The following PLEKHH2 variants were observed in gnomAD, a reference collection of about 807,000 sequenced individuals.
PLEKHH2 encodes the protein pleckstrin homology domain-containing family H member 2.
A neutral mutation model predicts 187.9 loss-of-function variants in PLEKHH2; 129 were observed. The observed-to-expected ratio is 0.69, with a 90% CI of 0.59 to 0.79. The LOEUF (loss-of-function observed/expected upper bound fraction) is 0.79. PLEKHH2 is among the 30% of genes least tolerant of loss of function. The probability of loss-of-function intolerance (pLI) is 0.00; values close to 1 mark genes in which losing one functional copy is unlikely to be tolerated. For missense variants in PLEKHH2, 2,076 were observed against 1,751.2 expected, an observed-to-expected ratio of 1.19 and a Z score of -3.31; for synonymous variants, 686 against 605.6, an observed-to-expected ratio of 1.13 and a Z score of -1.95.
intron 1 of PLEKHH2, among the ~76,000 whole-genome samples, chr2:43,638,136 T>G (rs1257407631): frequency 6.6e-6 from 1 of 152,078 alleles, no homozygotes; most frequent in Non-Finnish European, 1.5e-5. Context: ...TCGGCTGTTC[T>G]GGGCAGGGTC....
intron 18 of PLEKHH2, among the ~76,000 whole-genome samples, chr2:43,730,451 T>A (rs1670982514): frequency 6.6e-6 from 1 of 152,170 alleles, no homozygotes; most frequent in African/African-American, 2.4e-5. Context: ...CAGGCTGGAG[T>A]GCAGTGGCAT....
chr2:43,695,737 G>A (rs1174845909), intron 6 of PLEKHH2, among the ~76,000 whole-genome samples: 1 of 152,188 alleles, frequency 6.6e-6, no homozygotes, highest in Non-Finnish European at 1.5e-5. Context: ...GTTAGAGGTA[G>A]TTGTATCAGA....
At chr2:43,762,801 G>A (rs78051273) in intron 28 of PLEKHH2, among the ~76,000 whole-genome samples, 2,048 of 152,200 alleles carry the variant, frequency 0.013, 49 homozygotes, top group African/African-American at 0.046. Context: ...TTCCTATAAT[G>A]TCATTTATAT....
intron 16 of PLEKHH2, among the ~76,000 whole-genome samples, chr2:43,725,805 G>A (rs1284967060): frequency 6.6e-6 from 1 of 152,158 alleles, no homozygotes; most frequent in South Asian, 2.1e-4. Context: ...TTGCCTCTAG[G>A]CATCATTTTT....
At chr2:43,659,369 T>C (rs888742819) in intron 2 of PLEKHH2, among the ~76,000 whole-genome samples, 1 of 152,082 alleles carries the variant, frequency 6.6e-6, no homozygotes, top group African/African-American at 2.4e-5. Flanking sequence ...TTCTTCTTTT[T>C]TTTTTCAATT....
intron 9 of PLEKHH2, among the ~76,000 whole-genome samples, chr2:43,704,985 T>C (rs978806147): frequency 6.6e-6 from 1 of 152,266 alleles, no homozygotes; most frequent in African/African-American, 2.4e-5. Context: ...GGTAAAAATA[T>C]AGGCTTCTAT....
intron 21 of PLEKHH2, among the ~76,000 whole-genome samples, chr2:43,742,309 A>ATTT (rs71393204): frequency 4.1e-5 from 6 of 145,918 alleles, no homozygotes; most frequent in African/African-American, 1.5e-4. Context: ...GCCTGAAGAC[A>ATTT]TTTTTTTTTT....
chr2:43,687,914 G>A (rs1325444034), intron 3 of PLEKHH2, among the ~76,000 whole-genome samples: 2 of 151,662 alleles, frequency 1.3e-5, no homozygotes, highest in East Asian at 1.9e-4. Context: ...CTCCCACTTC[G>A]GCCTTTTGAG....
intron 6 of PLEKHH2, among the ~76,000 whole-genome samples, chr2:43,695,753 A>G (rs1669055088): frequency 6.6e-6 from 1 of 152,182 alleles, no homozygotes; most frequent in Non-Finnish European, 1.5e-5. Context: ...TCAGAGAGAC[A>G]TGCACTCCAG....
chr2:43,724,619 T>C (rs1670646580), intron 16 of PLEKHH2, among the ~76,000 whole-genome samples: 3 of 152,198 alleles, frequency 2.0e-5, no homozygotes, highest in Admixed American at 1.3e-4. Context: ...TTGTGATATA[T>C]AACAAAGAGC....
intron 16 of PLEKHH2, among the ~76,000 whole-genome samples, chr2:43,721,177 G>A (rs1670460552): frequency 6.6e-6 from 1 of 152,128 alleles, no homozygotes; most frequent in African/African-American, 2.4e-5. Context: ...CCATCTGCCT[G>A]TTTATATTCT....
At chr2:43,743,718 C>CT in intron 22 of PLEKHH2, 116 bp from the exon 23 acceptor site, 1 of 1,013,380 alleles carries the variant, frequency 9.9e-7, no homozygotes, top group Non-Finnish European at 1.3e-6. Flanking sequence ...GTTGAAGCAC[C>CT]TAGAAAAATA....
At chr2:43,656,351 G>A (rs1019270528) in intron 2 of PLEKHH2, among the ~76,000 whole-genome samples, 27 of 152,158 alleles carry the variant, frequency 1.8e-4, no homozygotes, top group Non-Finnish European at 3.8e-4. Flanking sequence ...ACAGTTTGTG[G>A]AATGGAAAGT....
chr2:43,710,752 T>C (rs1669925602), intron 14 of PLEKHH2, 177 bp downstream of exon 14: 4 of 1,391,228 alleles, frequency 2.9e-6, no homozygotes, highest in African/African-American at 2.9e-5. Context: ...AAAACTATAA[T>C]GTAAGTTAGG....
At chr2:43,711,398 G>A (rs1397396508) in intron 14 of PLEKHH2, 2 of 984,162 alleles carry the variant, frequency 2.0e-6, no homozygotes, top group East Asian at 2.3e-4. Flanking sequence ...AATTTGCAGT[G>A]TGGCTAATTT....
At chr2:43,650,144 CT>C (rs70965311) in intron 2 of PLEKHH2, among the ~76,000 whole-genome samples, 16,303 of 95,426 alleles carry the variant, frequency 0.17, 680 homozygotes, top group Middle Eastern at 0.25. Context: ...TTTTTCTTTC[CT>C]TTTTTTTTTT....
intron 6 of PLEKHH2, among the ~76,000 whole-genome samples, chr2:43,696,755 G>T (rs982063600): frequency 6.6e-6 from 1 of 151,966 alleles, no homozygotes; most frequent in African/African-American, 2.4e-5. Context: ...TGGTTATTTC[G>T]GCAACCAGGA....
intron 2 of PLEKHH2, among the ~76,000 whole-genome samples, chr2:43,653,204 T>C (rs1437887314): frequency 6.6e-6 from 1 of 152,134 alleles, no homozygotes; most frequent in Admixed American, 6.5e-5. Flanking sequence ...GAACCTACCA[T>C]AACAGATTAA....
At chr2:43,713,785 A>G (rs768007640) in intron 15 of PLEKHH2, among the ~76,000 whole-genome samples, 1 of 151,870 alleles carries the variant, frequency 6.6e-6, no homozygotes, top group Non-Finnish European at 1.5e-5. Flanking sequence ...CTCCTCATTC[A>G]TGTACTCTGA....
Sources: gnomAD v4.1 joint callset for allele counts (sites outside exome capture counted in the v4.1 genomes callset) on GRCh38, gnomAD v4.1.1 for gene constraint, MANE v1.5 for transcripts, NCBI Gene and HGNC (gene_info 2026-07-23, HGNC 2026-07-21) for gene names.